ADGRD1: variants seen among roughly 807,000 people sequenced by gnomAD.
ADGRD1 encodes G-protein coupled receptor 133.
In ADGRD1, 77 loss-of-function variants were observed where a neutral mutation model predicts 113.4. The observed-to-expected ratio is 0.68, with a 90% CI of 0.57 to 0.82. The LOEUF (loss-of-function observed/expected upper bound fraction) is 0.82. ADGRD1 is among the 40% of genes least tolerant of loss of function. The pLI is 0.00. For missense variants in ADGRD1, 1,036 were observed against 1,139.1 expected (o/e 0.91, Z 1.30); for synonymous variants, 474 against 475.0 (o/e 1.00, Z 0.03).
intron 12 of ADGRD1, among the ~76,000 whole-genome samples, chr12:131,008,685 C>T (rs909343441): frequency 6.6e-6 from 1 of 152,208 alleles, no homozygotes; most frequent in Non-Finnish European, 1.5e-5. Context: ...TGCCTGGCCC[C>T]GCAATGATGG....
At chr12:130,963,409 G>T (rs370408390) in intron 2 of ADGRD1, among the ~76,000 whole-genome samples, 1 of 150,380 alleles carries the variant, frequency 6.6e-6, no homozygotes, top group South Asian at 2.1e-4. Context: ...CTTACATCTC[G>T]CACTCAGCTT....
rs897308751 is a variant in ADGRD1 at position 130,984,882 on chromosome 12, CTTCT to C, written c.491-2207_491-2204del. Among the ~76,000 whole-genome samples the C allele has an allele frequency of 1.1e-4, 16 of 147,154 alleles. No homozygotes were observed. Among genetic ancestry groups the C allele is most frequent in the Middle Eastern group, 3.5e-3 (1 of 284 alleles). On this transcript the variant is annotated intron_variant, in intron 5 of 24. Transcript: ENST00000261654. This position sits in a 1 kb window ranked among gnomAD's most constrained non-coding sequence, Gnocchi z 4.1. ...CTCCCTTCCTTTCCTTCTTTCCTTCCTTCTTTCTTCTCTTCTCTCTCTCTCTCAC... is the reference window on the plus strand; with the variant it reads ...CTCCCTTCCTTTCCTTCTTTCCTTCCTTCTTCTCTTCTCTCTCTCTCTCAC...
intron 4 of ADGRD1, among the ~76,000 whole-genome samples, chr12:130,973,898 G>A (rs1408327823): frequency 2.0e-5 from 3 of 152,000 alleles, no homozygotes; most frequent in East Asian, 1.9e-4. Context: ...GACCAGCCTC[G>A]GCAACACAGT....
At chr12:131,129,241 C>T (rs866398083) in intron 20 of ADGRD1, among the ~76,000 whole-genome samples, 2 of 124,182 alleles carry the variant, frequency 1.6e-5, no homozygotes, top group African/African-American at 3.2e-5. Flanking sequence ...GTGACAGGCC[C>T]GCCCTGCTGT....
chr12:130,955,570 G>C (rs1255072168), intron 2 of ADGRD1, among the ~76,000 whole-genome samples: 1 of 152,172 alleles, frequency 6.6e-6, no homozygotes, highest in African/African-American at 2.4e-5. Context: ...GAGGCTTTCT[G>C]GGAGCAGCAG....
At chr12:130,989,306 G>C (rs1185623716) in intron 6 of ADGRD1, 8 of 152,236 alleles carry the variant, frequency 5.3e-5, no homozygotes, top group Admixed American at 5.2e-4. Context: ...GGAAAGAGGT[G>C]CCCTTGTTTC....
intron 15 of ADGRD1, among the ~76,000 whole-genome samples, chr12:131,100,750 G>A (rs1423321246): frequency 6.6e-6 from 1 of 152,224 alleles, no homozygotes; most frequent in African/African-American, 2.4e-5. Flanking sequence ...GCCAAGAACG[G>A]AGATTAAGAT....
At chr12:131,086,300 C>A (rs185138484) in intron 15 of ADGRD1, among the ~76,000 whole-genome samples, 38 of 152,214 alleles carry the variant, frequency 2.5e-4, no homozygotes, top group African/African-American at 8.7e-4. Context: ...CAAGGTGTAA[C>A]GGAGGCAGAA....
chr12:131,049,432 T>C (rs864221), intron 13 of ADGRD1, among the ~76,000 whole-genome samples: 135,703 of 152,310 alleles, frequency 0.89, 60,565 homozygotes, highest in East Asian at 1. Context: ...TCGATCTCCA[T>C]GCCTACTTTT....
At chr12:131,071,694 G>A (rs954799836) in intron 13 of ADGRD1, among the ~76,000 whole-genome samples, 10 of 152,204 alleles carry the variant, frequency 6.6e-5, no homozygotes, top group Non-Finnish European at 7.4e-5. Flanking sequence ...CAGGAGGCCC[G>A]AGGAAGGAGA....
At chr12:131,082,526 G>A (rs1886148795) in intron 14 of ADGRD1, among the ~76,000 whole-genome samples, 1 of 152,148 alleles carries the variant, frequency 6.6e-6, no homozygotes, top group East Asian at 1.9e-4. Flanking sequence ...TAAGCAGAAG[G>A]GGCAGCTCAT....
intron 15 of ADGRD1, among the ~76,000 whole-genome samples, chr12:131,094,919 G>A (rs1007500663): frequency 3.3e-5 from 5 of 152,148 alleles, no homozygotes; most frequent in East Asian, 3.9e-4. Context: ...CGGGGGAGGC[G>A]CAGGGGCATG....
At chr12:131,131,212 G>GA (rs1950916865) in intron 20 of ADGRD1, among the ~76,000 whole-genome samples, 1 of 152,200 alleles carries the variant, frequency 6.6e-6, no homozygotes, top group African/African-American at 2.4e-5. Context: ...TCCCAGCAAG[G>GA]AGGGGTGCTG....
At chr12:131,104,007 G>A (rs939825146) in intron 15 of ADGRD1, among the ~76,000 whole-genome samples, 4 of 152,198 alleles carry the variant, frequency 2.6e-5, no homozygotes, top group African/African-American at 7.2e-5. Flanking sequence ...AGGGGGCGCC[G>A]TCTGGATTGT....
intron 13 of ADGRD1, among the ~76,000 whole-genome samples, chr12:131,029,531 G>A (rs530835545): frequency 3.9e-4 from 59 of 151,780 alleles, no homozygotes; most frequent in African/African-American, 1.4e-3. Flanking sequence ...ATTAGGTTGT[G>A]GACCCCTCGT....
At chr12:130,987,734 G>T (rs35480637) in intron 6 of ADGRD1, 15,102 of 265,560 alleles carry the variant, frequency 0.057, 601 homozygotes, top group Non-Finnish European at 0.08. Context: ...TTCCTATTCA[G>T]CACAGGGCAG....
At position 130,960,136 on chromosome 12, in the gene ADGRD1, G is replaced by A. The variant is rs79473015; in HGVS notation, c.103+5476G>A. Among the ~76,000 whole-genome samples, 122 of 152,312 alleles carry A rather than the reference G, an allele frequency of 8.0e-4. 1 individual carries two copies. Among genetic ancestry groups the A allele is most frequent in the African/African-American group, 2.8e-3 (117 of 41,556 alleles). On this transcript the variant is annotated intron_variant, in intron 2 of 24. Transcript: ENST00000261654. Reference sequence around the variant, plus strand: ...ATAAATTGCAGGCCATTCTTAAAAAGTTTATAAGCATGCCATTTTATACAT... The same window carrying A: ...ATAAATTGCAGGCCATTCTTAAAAAATTTATAAGCATGCCATTTTATACAT...
At chr12:131,073,443 G>A (rs1224403308) in intron 13 of ADGRD1, among the ~76,000 whole-genome samples, 1 of 152,204 alleles carries the variant, frequency 6.6e-6, no homozygotes, top group African/African-American at 2.4e-5. Flanking sequence ...AGATCCACCT[G>A]CACCTGACCC....
chr12:131,044,071 C>G (rs919181653), intron 13 of ADGRD1, among the ~76,000 whole-genome samples: 2 of 152,188 alleles, frequency 1.3e-5, no homozygotes, highest in East Asian at 3.8e-4. Context: ...ACTCCATCAA[C>G]AAGAAATAGA....
Sources: allele counts gnomAD v4.1 joint callset (sites outside exome capture counted in the v4.1 genomes callset), GRCh38; gene constraint gnomAD v4.1.1; non-coding constraint Gnocchi (gnomAD v3.1); transcripts MANE v1.5; gene names NCBI Gene and HGNC (gene_info 2026-07-23, HGNC 2026-07-21).